RAB3GAP1: variants seen among roughly 807,000 people sequenced by gnomAD.
The protein encoded by RAB3GAP1 is rab3 GTPase-activating protein catalytic subunit.
RAB3GAP1 carries 86 observed loss-of-function variants against 130.7 expected under a neutral mutation model. That is an observed-to-expected ratio of 0.66 (90% CI 0.55 to 0.79). The LOEUF (loss-of-function observed/expected upper bound fraction) is 0.79. Ranked by LOEUF, RAB3GAP1 falls within the 30% of genes least tolerant of loss-of-function variation. The pLI, the probability that RAB3GAP1 is intolerant of heterozygous loss-of-function variation, is 0.00. For missense variants in RAB3GAP1, 1,029 were observed against 1,169.4 expected (o/e 0.88, Z 1.75); for synonymous variants, 367 against 401.7 (o/e 0.91, Z 1.03).
At chr2:135,109,539 T>C (rs908049983) in intron 5 of RAB3GAP1, among the ~76,000 whole-genome samples, 1 of 152,076 alleles carries the variant, frequency 6.6e-6, no homozygotes. Context: ...ATTTTAAATA[T>C]TGATATATTC....
At position 135,168,821 on chromosome 2, in the gene RAB3GAP1, C is replaced by G. The variant is rs765163942; in HGVS notation, c.*40C>G. ...CTCGTTGGTGGCTTCAGAGACAGTGCTGCCTCCTCCTGAGGGAGGGAAGGT... is the reference window on the plus strand; with the variant it reads ...CTCGTTGGTGGCTTCAGAGACAGTGGTGCCTCCTCCTGAGGGAGGGAAGGT... On this transcript the variant is annotated 3_prime_UTR_variant, in exon 24 of 24. Transcript: ENST00000264158. 24 of 1,547,092 alleles carry G rather than the reference C, an allele frequency of 1.6e-5. No homozygotes were observed. In the Admixed American group the frequency reaches 3.7e-4, roughly 24 times the overall value.
At position 135,101,504 on chromosome 2, in the gene RAB3GAP1, C is replaced by CT. The variant is rs1238255863; in HGVS notation, c.362+7812dup. Among the ~76,000 whole-genome samples, 54 of 152,118 alleles carry CT rather than the reference C, an allele frequency of 3.5e-4. 1 individual carries two copies. The highest frequency in any genetic ancestry group is 3.5e-4 in the Non-Finnish European group (24 of 68,006). The stretch of plus-strand genomic sequence containing the variant: ...TTAACTTATATTTTCAAATCAAATT[C>CT]TAGAAAATAGATTTTTGGGATTTAT... On this transcript the variant is annotated intron_variant, in intron 5 of 23. Transcript: ENST00000264158.
intron 17 of RAB3GAP1, among the ~76,000 whole-genome samples, chr2:135,137,770 A>G (rs539753405): frequency 4.6e-5 from 7 of 152,330 alleles, no homozygotes; most frequent in Non-Finnish European, 8.8e-5. Context: ...TAGAACAGCA[A>G]TAACTCAACA....
intron 11 of RAB3GAP1, among the ~76,000 whole-genome samples, chr2:135,127,329 T>TTTTGTTTGTTTG (rs75988598): frequency 6.6e-6 from 1 of 150,840 alleles, no homozygotes; most frequent in East Asian, 2.0e-4. Flanking sequence ...AAGAGCACTG[T>TTTTGTTTGTTTG]TTTGTTTGTT....
rs1368905256 is a variant in RAB3GAP1, at chr2:135,137,224, T to C, written c.1923+1292T>C. ...TGATACCTACGATGGCTTTTTGTTT[T>C]AAAGGCTTTTATCTTGAGAACATGA... On this transcript the variant is annotated intron_variant, in intron 17 of 23. Coordinates refer to ENST00000264158, the MANE Select transcript of RAB3GAP1 (RefSeq NM_012233.3). The C allele has an allele frequency of 2.1e-5, 9 of 423,554 alleles. No homozygotes were observed. In the East Asian group the frequency reaches 6.4e-4, roughly 30 times the overall value. 26.2% of individuals were successfully genotyped at this position (423,554 alleles called of 1,614,324 possible). A position where few individuals can be genotyped will look rare whatever the true frequency, so the allele number is the denominator to read the frequency against.
chr2:135,163,126 T>C (rs763124236), intron 22 of RAB3GAP1, 25 bp downstream of exon 22: 5 of 1,546,806 alleles, frequency 3.2e-6, no homozygotes, highest in Non-Finnish European at 4.5e-6. Context: ...GCTAATTCAG[T>C]TTTGTCTGCA....
chr2:135,124,178 T>C lies in RAB3GAP1; in HGVS notation c.762T>C (p.Leu254=). ...WPQQPPDIDA[L]VGGEVGGLEF... ...TCTTTTGTTTAGACATAGATGCCCTTGTAGGAGGAGAAGTTGGAGGCTTGG... is the reference window on the plus strand; with the variant it reads ...TCTTTTGTTTAGACATAGATGCCCTCGTAGGAGGAGAAGTTGGAGGCTTGG... Residue 254 remains leucine (L), a synonymous_variant, in exon 9 of 24, where the codon CTT becomes CTC. Coordinates refer to ENST00000264158, the MANE Select transcript of RAB3GAP1 (RefSeq NM_012233.3). 1.9e-6 allele frequency: 3 copies of C among 1,614,008 alleles called. No homozygotes were observed. The highest frequency in any genetic ancestry group is 2.2e-5 in the South Asian group (2 of 91,072).
At chr2:135,148,705 T>C (rs1320073722) in intron 17 of RAB3GAP1, among the ~76,000 whole-genome samples, 1 of 146,820 alleles carries the variant, frequency 6.8e-6, no homozygotes, top group Non-Finnish European at 1.5e-5. Flanking sequence ...AGAGATGGGG[T>C]TTCGCCATGT....
chr2:135,132,950 A>T lies in RAB3GAP1; in HGVS notation c.1292A>T (p.Asp431Val), dbSNP rs780560646. 6.3e-7 allele frequency: 1 copy of T among 1,580,548 alleles called. No individual in the cohort carries two copies. The highest frequency in any genetic ancestry group is 1.7e-5 in the Admixed American group (1 of 59,958). The part of the protein sequence containing the change: ...EKPLDGTTST[D>V]NNNPPSESED... ...CCATTAGATGGAACTACTTCAACAG[A>T]TAATAATAATCCTCCATCAGAGAGT... Residue 431 changes from aspartate (D) to valine (V), a missense_variant, in exon 14 of 24, where the codon GAT becomes GTT. Physicochemically the swap from Asp to Val is radical, Grantham distance 152. Transcript: ENST00000264158.
intron 3 of RAB3GAP1, among the ~76,000 whole-genome samples, chr2:135,073,237 A>G (rs1689528222): frequency 6.6e-6 from 1 of 152,172 alleles, no homozygotes; most frequent in Admixed American, 6.5e-5. Context: ...AGAGAGAGGG[A>G]GTGCATTTGC....
chr2:135,064,134 A>C (rs1467568613), intron 3 of RAB3GAP1, among the ~76,000 whole-genome samples: 1 of 152,120 alleles, frequency 6.6e-6, no homozygotes, highest in Non-Finnish European at 1.5e-5. Context: ...TATTTAAAAA[A>C]ATTTTATTTC....
chr2:135,096,689 T>G (rs1172441273), intron 5 of RAB3GAP1, among the ~76,000 whole-genome samples: 1 of 152,184 alleles, frequency 6.6e-6, no homozygotes, highest in Non-Finnish European at 1.5e-5. Flanking sequence ...GAATTAGGTT[T>G]AATTCCTAAC....
At chr2:135,082,442 CTTT>C (rs746223510) in intron 3 of RAB3GAP1, among the ~76,000 whole-genome samples, 6 of 141,602 alleles carry the variant, frequency 4.2e-5, no homozygotes, top group Non-Finnish European at 4.7e-5. Flanking sequence ...AATACACACA[CTTT>C]TTTTTTTTTT....
chr2:135,065,875 A>AT (rs1245077601), intron 3 of RAB3GAP1, among the ~76,000 whole-genome samples: 1 of 147,504 alleles, frequency 6.8e-6, no homozygotes, highest in Non-Finnish European at 1.5e-5. Context: ...GGTTCGAGTG[A>AT]TTCTCCTGCC....
Position 135,129,861 on chromosome 2 carries a change from A to G in RAB3GAP1, c.974-134A>G, listed in dbSNP as rs1197384772. On this transcript the variant is annotated intron_variant, in intron 11 of 23. Coordinates refer to ENST00000264158, the MANE Select transcript of RAB3GAP1 (RefSeq NM_012233.3). ...ATAGGATTAATTTTTGTTTTTTTCA[A>G]TGGAAAAACTGAATGGTTTTACTTT... The G allele has an allele frequency of 8.5e-5, 57 of 671,718 alleles. 1 individual carries two copies. The highest frequency in any genetic ancestry group is 2.4e-4 in the Admixed American group (8 of 33,972). The allele number at this position is 671,718 out of a possible 1,614,324, so 41.6% of individuals were successfully genotyped here. A position where few individuals can be genotyped will look rare whatever the true frequency, so the allele number is the denominator to read the frequency against.
chr2:135,169,123 T>C lies in RAB3GAP1; in HGVS notation c.*342T>C. 2.5e-6 allele frequency: 1 copy of C among 393,386 alleles called. No homozygotes were observed. Among genetic ancestry groups the C allele is most frequent in the East Asian group, 5.9e-5 (1 of 16,978 alleles). The allele number at this position is 393,386 out of a possible 1,614,324, so 24.4% of individuals were successfully genotyped here. A position where few individuals can be genotyped will look rare whatever the true frequency, so the allele number is the denominator to read the frequency against. ...TCTCTTCTGTGACCAGCCTCTAGGC[T>C]AGCGGCTGCATTCGTGGTCTGTGCA... On this transcript the variant is annotated 3_prime_UTR_variant, in exon 24 of 24. Coordinates refer to ENST00000264158, the MANE Select transcript of RAB3GAP1 (RefSeq NM_012233.3).
At chr2:135,072,266 A>T (rs961437626) in intron 3 of RAB3GAP1, among the ~76,000 whole-genome samples, 1 of 152,202 alleles carries the variant, frequency 6.6e-6, no homozygotes, top group African/African-American at 2.4e-5. Context: ...GCATGTTAAG[A>T]CATAACTAGC....
chr2:135,058,848 A>G (rs1000735794), intron 3 of RAB3GAP1: 2 of 152,172 alleles, frequency 1.3e-5, no homozygotes, highest in African/African-American at 2.4e-5. Flanking sequence ...TGGTTTTATT[A>G]CAACTCAATA....
intron 17 of RAB3GAP1, among the ~76,000 whole-genome samples, chr2:135,136,304 C>CA (rs1237809634): frequency 6.6e-6 from 1 of 151,850 alleles, no homozygotes; most frequent in African/African-American, 2.4e-5. Flanking sequence ...CCAGCCTGGG[C>CA]AACAGAGCAA....
Sources: gnomAD v4.1 joint callset for allele counts (sites outside exome capture counted in the v4.1 genomes callset) on GRCh38, gnomAD v4.1.1 for gene constraint, MANE v1.5 for transcripts, NCBI Gene and HGNC (gene_info 2026-07-23, HGNC 2026-07-21) for gene names.